Variants in ADCY5 observed in about 807,000 individuals in gnomAD.
The protein encoded by ADCY5 is adenylate cyclase 5, also known as adenylate cyclase type 5.
In ADCY5, 30 loss-of-function variants were observed where a neutral mutation model predicts 119.7. The ratio of observed to expected loss-of-function variants is 0.25; its 90% CI spans 0.19 to 0.34. The LOEUF is 0.34. Among genes scored for constraint, ADCY5 ranks in the 10% least tolerant of loss-of-function variants. The pLI, the probability that ADCY5 is intolerant of heterozygous loss-of-function variation, is 1.00. For synonymous variants in ADCY5, 753 were observed against 762.2 expected, an observed-to-expected ratio of 0.99 and a Z score of 0.20; for missense variants, 1,324 against 1,775.2, an observed-to-expected ratio of 0.75 and a Z score of 4.57.
At chr3:123,389,139 G>A (rs137938967) in intron 1 of ADCY5, among the ~76,000 whole-genome samples, 1 of 151,036 alleles carries the variant, frequency 6.6e-6, no homozygotes, top group African/African-American at 2.5e-5. Flanking sequence ...GGTGCAGGAC[G>A]TCGGCTGAGA....
At chr3:123,305,908 C>T (rs1198568666) in intron 12 of ADCY5, among the ~76,000 whole-genome samples, 6 of 152,174 alleles carry the variant, frequency 3.9e-5, no homozygotes, top group Admixed American at 1.3e-4. Context: ...GGCAGTGCTC[C>T]GCCTCCCAGG....
Position 123,448,513 on chromosome 3 carries a change from G to T in ADCY5, c.33C>A (p.Gly11=), listed in dbSNP as rs1945873053. 2 of 1,265,168 alleles carry T rather than the reference G, an allele frequency of 1.6e-6. No homozygotes were observed. The highest frequency in any genetic ancestry group is 3.1e-5 in the African/African-American group (2 of 64,546). 78.4% of individuals were successfully genotyped at this position (1,265,168 alleles called of 1,614,324 possible). A position where few individuals can be genotyped will look rare whatever the true frequency, so the allele number is the denominator to read the frequency against. ...GCGCCGCAGTCTTCTGCGCCGCGTA[G>T]CCCGGGGGGCTCACGCTTTTGGAGC... MSGSKSVSPP[G]YAAQKTAAPA... The change falls in exon 1 of 21, where the codon GGC becomes GGA. Residue 11 remains glycine (G), a synonymous_variant. Transcript: ENST00000462833.
At chr3:123,359,091 C>T (rs1374298015) in intron 1 of ADCY5, among the ~76,000 whole-genome samples, 1 of 151,036 alleles carries the variant, frequency 6.6e-6, no homozygotes, top group Non-Finnish European at 1.5e-5. Context: ...TTGGGGAAGA[C>T]CCCTGCTCAG....
At chr3:123,313,438 C>T (rs888275041) in intron 12 of ADCY5, among the ~76,000 whole-genome samples, 1 of 152,246 alleles carries the variant, frequency 6.6e-6, no homozygotes, top group African/African-American at 2.4e-5. Context: ...AGGGAGGAGT[C>T]GGAGAGGCTC....
Position 123,448,071 on chromosome 3 carries a change from C to T in ADCY5, c.475G>A (p.Gly159Ser). The T allele has an allele frequency of 8.1e-7, 1 of 1,234,846 alleles. No homozygotes were observed. Among genetic ancestry groups the T allele is most frequent in the Non-Finnish European group, 1.0e-6 (1 of 986,568 alleles). The allele number at this position is 1,234,846 out of a possible 1,614,324, so 76.5% of individuals were successfully genotyped here. ...CCCTTGCCCCGCCGCTCCTCCAGACCCACCTCCACCGAGCGAGGGCGCACC... is the reference window on the plus strand; with the variant it reads ...CCCTTGCCCCGCCGCTCCTCCAGACTCACCTCCACCGAGCGAGGGCGCACC... Reference protein sequence around the residue: ...TEVRPRSVEVGLEERRGKGRA... With the variant: ...TEVRPRSVEVSLEERRGKGRA... Residue 159 changes from glycine (G) to serine (S), a missense_variant, in exon 1 of 21, where the codon GGT (glycine) becomes AGT (serine). Coordinates refer to ENST00000462833, the MANE Select transcript of ADCY5 (RefSeq NM_183357.3).
At chr3:123,373,136 T>C (rs981716985) in intron 1 of ADCY5, among the ~76,000 whole-genome samples, 2 of 152,168 alleles carry the variant, frequency 1.3e-5, no homozygotes, top group African/African-American at 2.4e-5. Context: ...CCACAGCACC[T>C]AGCATGCAGC....
At chr3:123,419,371 C>G (rs2107635071) in intron 1 of ADCY5, among the ~76,000 whole-genome samples, 1 of 152,290 alleles carries the variant, frequency 6.6e-6, no homozygotes, top group Middle Eastern at 3.4e-3. Flanking sequence ...CAAATCCTGT[C>G]ACTTTTCCAA....
intron 12 of ADCY5, among the ~76,000 whole-genome samples, chr3:123,308,360 C>T (rs1940328876): frequency 2.0e-5 from 3 of 151,912 alleles, no homozygotes; most frequent in Admixed American, 2.0e-4. Context: ...TTTAAAAAGA[C>T]TTTCTCTTGA....
chr3:123,410,771 T>G (rs1295007898), intron 1 of ADCY5, among the ~76,000 whole-genome samples: 1 of 152,074 alleles, frequency 6.6e-6, no homozygotes, highest in Admixed American at 6.5e-5. Flanking sequence ...CCTCAGCCTC[T>G]TGAGTAGCTA....
At chr3:123,303,271 G>A (rs764204687) in intron 13 of ADCY5, 52 bp from the exon 14 acceptor site, 1 of 1,573,330 alleles carries the variant, frequency 6.4e-7, no homozygotes, top group Non-Finnish European at 8.7e-7. Flanking sequence ...TGGGGGACAG[G>A]TAGAGCAGCC....
chr3:123,383,945 T>C (rs1160681840), intron 1 of ADCY5, among the ~76,000 whole-genome samples: 1 of 119,512 alleles, frequency 8.4e-6, no homozygotes, highest in Admixed American at 8.0e-5. Flanking sequence ...ACACACACCC[T>C]TCTGCAAGGC....
chr3:123,362,537 G>A (rs1183520701), intron 1 of ADCY5, among the ~76,000 whole-genome samples: 2 of 152,118 alleles, frequency 1.3e-5, no homozygotes, highest in Admixed American at 6.5e-5. Flanking sequence ...AAGACCCCAC[G>A]CTTTGCGCAA....
chr3:123,421,970 G>A (rs999182330), intron 1 of ADCY5, among the ~76,000 whole-genome samples: 2 of 152,184 alleles, frequency 1.3e-5, no homozygotes, highest in Non-Finnish European at 2.9e-5. Flanking sequence ...GTGTGTGCAT[G>A]TTGGTGTGCT....
At chr3:123,314,884 C>G (rs770584762) in intron 11 of ADCY5, among the ~76,000 whole-genome samples, 1 of 150,132 alleles carries the variant, frequency 6.7e-6, no homozygotes, top group South Asian at 2.1e-4. Context: ...AGCGCCACCC[C>G]CTTTCCACCG....
At chr3:123,360,602 C>T (rs72626338) in intron 1 of ADCY5, among the ~76,000 whole-genome samples, 10,475 of 152,216 alleles carry the variant, frequency 0.069, 892 homozygotes, top group East Asian at 0.26. Context: ...CCCTGTCTCA[C>T]ACCTACCCCA....
chr3:123,399,208 G>C (rs1334614008), intron 1 of ADCY5, among the ~76,000 whole-genome samples: 1 of 152,188 alleles, frequency 6.6e-6, no homozygotes, highest in East Asian at 1.9e-4. Flanking sequence ...AAGATGTAAA[G>C]TCACCCACAC....
chr3:123,368,865 G>T (rs1323647499), intron 1 of ADCY5, among the ~76,000 whole-genome samples: 1 of 151,976 alleles, frequency 6.6e-6, no homozygotes, highest in Non-Finnish European at 1.5e-5. Context: ...CTTGTTAAAT[G>T]AATACATGGA....
intron 1 of ADCY5, among the ~76,000 whole-genome samples, chr3:123,384,325 GT>G (rs1944141109): frequency 6.6e-6 from 1 of 152,222 alleles, no homozygotes; most frequent in Non-Finnish European, 1.5e-5. Flanking sequence ...AGACTTGAGG[GT>G]GAATCTTCCA....
At chr3:123,306,738 T>G (rs1683460762) in intron 12 of ADCY5, among the ~76,000 whole-genome samples, 1 of 152,226 alleles carries the variant, frequency 6.6e-6, no homozygotes, top group African/African-American at 2.4e-5. Context: ...ATTCCACTTC[T>G]GGGTATATCC....
Sources: gnomAD v4.1 joint callset for allele counts (sites outside exome capture counted in the v4.1 genomes callset) on GRCh38, gnomAD v4.1.1 for gene constraint, MANE v1.5 for transcripts, NCBI Gene and HGNC (gene_info 2026-07-23, HGNC 2026-07-21) for gene names.